Variants in TP63 observed in about 807,000 individuals in gnomAD.
TP63 encodes the protein tumor protein 63.
A neutral mutation model predicts 82.8 loss-of-function variants in TP63; 17 were observed. The ratio of observed to expected loss-of-function variants is 0.21; its 90% confidence interval spans 0.14 to 0.31. The LOEUF is 0.31. Ranked by LOEUF, TP63 falls within the 10% of genes least tolerant of loss-of-function variation. The pLI, the probability that TP63 is intolerant of heterozygous loss-of-function variation, is 1.00. For synonymous variants in TP63, 330 were observed against 321.7 expected (o/e 1.03, Z -0.28); for missense variants, 648 against 895.3 (o/e 0.72, Z 3.52).
chr3:189,748,489 A>G (rs992480612), intron 3 of TP63, among the ~76,000 whole-genome samples: 2 of 145,722 alleles, frequency 1.4e-5, no homozygotes, highest in Non-Finnish European at 3.0e-5. Flanking sequence ...AAGGCAAAAT[A>G]TCTCTACAAG....
intron 4 of TP63, among the ~76,000 whole-genome samples, chr3:189,840,851 A>G (rs1418996800): frequency 1.8e-5 from 2 of 108,878 alleles, no homozygotes; most frequent in East Asian, 2.6e-4. Context: ...AGCAAGACTC[A>G]GTCTCCAAAA....
chr3:189,623,786 A>G, the TP63 span, among the ~76,000 whole-genome samples: 2 of 152,236 alleles, frequency 1.3e-5, no homozygotes, highest in African/African-American at 4.8e-5. Context: ...TAAGCAATCA[A>G]CCAAATGCAT....
At chr3:189,747,931 A>T (rs530668706) in intron 3 of TP63, among the ~76,000 whole-genome samples, 2 of 152,174 alleles carry the variant, frequency 1.3e-5, no homozygotes, top group Non-Finnish European at 2.9e-5. Flanking sequence ...GAACAACTGT[A>T]TACTAACAAG....
chr3:189,863,603 A>G (rs16864872), intron 4 of TP63, among the ~76,000 whole-genome samples: 34,834 of 152,026 alleles, frequency 0.23, 6,926 homozygotes, highest in African/African-American at 0.55. Flanking sequence ...GTTTAGGACC[A>G]AACAGCCCCT....
chr3:189,797,795 G>A (rs1396343019), intron 3 of TP63, among the ~76,000 whole-genome samples: 1 of 151,964 alleles, frequency 6.6e-6, no homozygotes, highest in East Asian at 1.9e-4. Flanking sequence ...AATCAGAATG[G>A]TGAGACTTCA....
chr3:189,644,190 C>A lies in TP63; in HGVS notation c.62+12613C>A, dbSNP rs148735717. ...CCCAAATCACACAATCTTACACTTT[C>A]CTTTCTGGCCACTATCTCCTCTCTC... On this transcript the variant is annotated intron_variant, in intron 1 of 13. Transcript: ENST00000264731. Among the ~76,000 whole-genome samples the A allele has an allele frequency of 3.3e-5, 5 of 151,964 alleles. No individual in the cohort carries two copies. In the East Asian group the frequency reaches 9.7e-4, roughly 30 times the overall value.
chr3:189,702,579 C>T (rs564286583), intron 1 of TP63, among the ~76,000 whole-genome samples: 1 of 152,322 alleles, frequency 6.6e-6, no homozygotes, highest in Admixed American at 6.5e-5. Context: ...AGCCTGGGCC[C>T]TGCCAAGGGT....
chr3:189,826,491 G>A (rs1729367524), intron 4 of TP63, among the ~76,000 whole-genome samples: 1 of 152,142 alleles, frequency 6.6e-6, no homozygotes, highest in Non-Finnish European at 1.5e-5. Flanking sequence ...TTATTTGAGG[G>A]AAATATTCGT....
chr3:189,617,170 C>T, the TP63 span, among the ~76,000 whole-genome samples: 1 of 152,162 alleles, frequency 6.6e-6, no homozygotes, highest in African/African-American at 2.4e-5. Flanking sequence ...TTATCAAGGC[C>T]TCCTGTATAC....
the TP63 span, among the ~76,000 whole-genome samples, chr3:189,621,124 G>A: frequency 1.3e-5 from 2 of 152,154 alleles, no homozygotes; most frequent in Non-Finnish European, 2.9e-5. Context: ...ATACAAAAAT[G>A]ATGCCCATTG....
At chr3:189,833,932 T>C (rs145970696) in intron 4 of TP63, among the ~76,000 whole-genome samples, 2 of 152,296 alleles carry the variant, frequency 1.3e-5, no homozygotes, top group African/African-American at 4.8e-5. Context: ...TTTTGAAAAG[T>C]GCATAGGAAA....
intron 1 of TP63, among the ~76,000 whole-genome samples, chr3:189,659,305 C>A (rs1181247661): frequency 1.3e-5 from 2 of 151,974 alleles, no homozygotes; most frequent in African/African-American, 4.8e-5. Context: ...TGAGAGCATG[C>A]AGTATTTGGT....
intron 3 of TP63, among the ~76,000 whole-genome samples, chr3:189,757,621 C>A (rs1212637892): frequency 1.3e-5 from 2 of 152,144 alleles, no homozygotes; most frequent in African/African-American, 2.4e-5. Context: ...AGAAAAAAAT[C>A]TACACAGATT....
intron 3 of TP63, among the ~76,000 whole-genome samples, chr3:189,781,700 C>T (rs1157067984): frequency 6.6e-6 from 1 of 152,124 alleles, no homozygotes; most frequent in Non-Finnish European, 1.5e-5. Context: ...CCTGCCCAAC[C>T]TATTATTCCT....
In TP63 at chr3:189,706,776, A is replaced by T. The variant is rs4687085; in HGVS notation, c.63-30964A>T. 0.7 allele frequency among the ~76,000 whole-genome samples: 106,616 copies of T among 152,132 alleles called. 38,315 individuals carry two copies. Among genetic ancestry groups the T allele is most frequent in the African/African-American group, 0.87 (36,076 of 41,534 alleles). ...GACACAGGTTATCACCAGCTTTGTT[A>T]GATAGATAAGGGAGGATCACAGAGA... On this transcript the variant is annotated intron_variant, in intron 1 of 13. Transcript: ENST00000264731.
upstream of TP63, chr3:189,631,343 T>C: frequency 6.9e-6 from 10 of 1,451,896 alleles, no homozygotes; most frequent in Non-Finnish European, 8.2e-6. Context: ...CAAGAAACGC[T>C]CCGCCTCTTT....
chr3:189,700,246 G>T (rs1475407157), intron 1 of TP63, among the ~76,000 whole-genome samples: 1 of 152,114 alleles, frequency 6.6e-6, no homozygotes, highest in African/African-American at 2.4e-5. Context: ...TGTGATGAGA[G>T]GAAAAGCCAG....
chr3:189,859,525 A>G (rs1010543328), intron 4 of TP63, among the ~76,000 whole-genome samples: 2 of 152,232 alleles, frequency 1.3e-5, no homozygotes, highest in African/African-American at 4.8e-5. Flanking sequence ...CATACATACC[A>G]GAATGACATC....
chr3:189,696,229 GA>G (rs1717368986), intron 1 of TP63, among the ~76,000 whole-genome samples: 1 of 152,020 alleles, frequency 6.6e-6, no homozygotes, highest in Admixed American at 6.6e-5. Flanking sequence ...CCAAGTTCCA[GA>G]CAACCACTAA....
Sources: gnomAD v4.1 joint callset for allele counts (sites outside exome capture counted in the v4.1 genomes callset) on GRCh38, gnomAD v4.1.1 for gene constraint, MANE v1.5 for transcripts, NCBI Gene and HGNC (gene_info 2026-07-23, HGNC 2026-07-21) for gene names.